Variants in PCDH7 observed in about 807,000 individuals in gnomAD.
The protein encoded by PCDH7 is protocadherin 7.
In PCDH7, 17 loss-of-function variants were observed where a neutral mutation model predicts 58.9. The observed-to-expected ratio is 0.29, with a 90% CI of 0.20 to 0.43. The LOEUF (loss-of-function observed/expected upper bound fraction) is 0.43, where lower values mean the gene tolerates loss of function less well. PCDH7 is among the 20% of genes least tolerant of loss of function. The probability of loss-of-function intolerance (pLI) is 1.00; values close to 1 mark genes in which losing one functional copy is unlikely to be tolerated. For synonymous variants in PCDH7, 664 were observed against 616.4 expected (o/e 1.08, Z -1.14); for missense variants, 1,274 against 1,441.0 (o/e 0.88, Z 1.88).
At chr4:30,776,858 GGTGT>G (rs57657077) in intron 1 of PCDH7, among the ~76,000 whole-genome samples, 41 of 147,716 alleles carry the variant, frequency 2.8e-4, no homozygotes, top group South Asian at 1.1e-3. Context: ...TTTGATATGT[GGTGT>G]GTGTGTGTGT....
At chr4:30,825,101 A>G (rs17718569) in intron 1 of PCDH7, among the ~76,000 whole-genome samples, 16,751 of 152,174 alleles carry the variant, frequency 0.11, 1,222 homozygotes, top group Non-Finnish European at 0.16. Flanking sequence ...GTTTTAGACA[A>G]TGGAGTAGAA....
chr4:30,761,374 T>C (rs10021424), intron 1 of PCDH7, among the ~76,000 whole-genome samples: 82,924 of 151,918 alleles, frequency 0.55, 23,365 homozygotes, highest in African/African-American at 0.68. Flanking sequence ...AAGTCACATA[T>C]GTAATTTTTA....
At position 30,723,887 on chromosome 4, in the gene PCDH7, A is replaced by G; in HGVS notation, c.2465A>G (p.Asn822Ser). The G allele has an allele frequency of 2.5e-6, 4 of 1,613,942 alleles. No homozygotes were observed. The highest frequency in any genetic ancestry group is 3.4e-6 in the Non-Finnish European group (4 of 1,180,018). Residue 822 changes from asparagine to serine, a missense_variant, in exon 1 of 2, where the codon AAT (asparagine) becomes AGT (serine). Coordinates refer to ENST00000361762, the Ensembl canonical transcript of PCDH7. The surrounding 1 kb of genome is among the most constrained non-coding windows in gnomAD (Gnocchi z 4.6). ...TTGCACAGGTTGGTGGTGCAAGTGA[A>G]TGACAGTGGGCAGCCTTCCCAGTCC...
chr4:31,016,452 G>A (rs1281708829), intron 3 of PCDH7, among the ~76,000 whole-genome samples: 2 of 150,988 alleles, frequency 1.3e-5, no homozygotes, highest in Admixed American at 1.3e-4. Flanking sequence ...CAGGAGAGGG[G>A]GAAAGGCCAT....
intron 3 of PCDH7, among the ~76,000 whole-genome samples, chr4:31,026,757 A>G (rs559501833): frequency 3.0e-5 from 4 of 132,690 alleles, no homozygotes; most frequent in South Asian, 2.2e-4. Context: ...TTTGGGGGGA[A>G]AAAACCTGCA....
rs560945473 is a variant in PCDH7, at chr4:30,799,915, G to A, written c.70+75319G>A. Among the ~76,000 whole-genome samples the A allele has an allele frequency of 2.1e-4, 32 of 150,778 alleles. No homozygotes were observed. The East Asian group carries it at 3.7e-3, about 17-fold the overall frequency. ...GTCACCCAGGCTGGAGTGCAATGGC[G>A]CAATCTTGGCTCACTGCAACCTCCA... On this transcript the variant is annotated intron_variant, in intron 1 of 3. Coordinates refer to the PCDH7 transcript ENST00000509759.
intron 3 of PCDH7, among the ~76,000 whole-genome samples, chr4:31,002,205 A>T: frequency 6.6e-6 from 1 of 152,184 alleles, no homozygotes; most frequent in East Asian, 1.9e-4. Flanking sequence ...TGATCCTTAT[A>T]TTGATTTGAG....
intron 1 of PCDH7, among the ~76,000 whole-genome samples, chr4:30,829,173 T>A (rs1729473073): frequency 6.6e-6 from 1 of 152,008 alleles, no homozygotes. Flanking sequence ...AAACTGATCC[T>A]GGGATTTGTG....
chr4:31,144,088 T>C (rs1720521837), downstream of PCDH7: 1 of 152,198 alleles, frequency 6.6e-6, no homozygotes, highest in African/African-American at 2.4e-5. Flanking sequence ...GCTCTTTTTA[T>C]CCACATTTTA....
At chr4:30,781,747 A>C (rs1722822464) in intron 1 of PCDH7, among the ~76,000 whole-genome samples, 1 of 151,324 alleles carries the variant, frequency 6.6e-6, no homozygotes, top group South Asian at 2.1e-4. Flanking sequence ...TGTTGGGCAG[A>C]CTTGTCTTGA....
At position 30,895,570 on chromosome 4, in the gene PCDH7, G is replaced by A. The variant is rs116284050; in HGVS notation, c.71-24583G>A. On this transcript the variant is annotated intron_variant, in intron 1 of 3. Transcript: ENST00000509759. ...TCATTTCTTGCTACCACCAGTGCAT[G>A]CAGAGTAGCACTTCTTCTGTCAGCT... Among the ~76,000 whole-genome samples the A allele has an allele frequency of 6.1e-3, 929 of 152,232 alleles. 6 individuals are homozygous for A. The highest frequency in any genetic ancestry group is 0.01 in the Middle Eastern group (3 of 294).
intron 3 of PCDH7, among the ~76,000 whole-genome samples, chr4:30,990,078 T>G (rs568654469): frequency 1.2e-4 from 18 of 152,216 alleles, no homozygotes; most frequent in African/African-American, 3.8e-4. Flanking sequence ...TAATAAATAT[T>G]GAGTTCTATT....
chr4:30,947,016 C>G (rs545564646), intron 2 of PCDH7, among the ~76,000 whole-genome samples: 1 of 152,074 alleles, frequency 6.6e-6, no homozygotes, highest in Non-Finnish European at 1.5e-5. Context: ...CCAGCCTTAC[C>G]CCTTATTCTT....
chr4:30,733,812 T>G (rs901679211), downstream of PCDH7, among the ~76,000 whole-genome samples: 2 of 152,200 alleles, frequency 1.3e-5, no homozygotes, highest in African/African-American at 4.8e-5. Flanking sequence ...TCAAGAGTAC[T>G]GAAAACATTT....
intron 1 of PCDH7, among the ~76,000 whole-genome samples, chr4:30,883,039 C>T (rs1737200525): frequency 6.6e-6 from 1 of 152,162 alleles, no homozygotes; most frequent in Non-Finnish European, 1.5e-5. Context: ...TGTGCCATAT[C>T]TTTTGTTGGC....
At chr4:30,892,404 G>C (rs1738739111) in intron 1 of PCDH7, among the ~76,000 whole-genome samples, 1 of 151,734 alleles carries the variant, frequency 6.6e-6, no homozygotes, top group Admixed American at 6.6e-5. Context: ...TACTACATAG[G>C]AAAAAAAGGA....
At chr4:30,827,431 A>G (rs1207955239) in intron 1 of PCDH7, among the ~76,000 whole-genome samples, 1 of 152,214 alleles carries the variant, frequency 6.6e-6, no homozygotes, top group African/African-American at 2.4e-5. Flanking sequence ...AAAAATACCA[A>G]AATATTCACA....
In PCDH7 at chr4:30,747,444, G is replaced by A. The variant is rs146772876; in HGVS notation, c.70+22848G>A. Among the ~76,000 whole-genome samples the A allele has an allele frequency of 1.4e-4, 21 of 152,300 alleles. No individual in the cohort carries two copies. In the East Asian group the frequency reaches 3.7e-3, roughly 27 times the overall value. On this transcript the variant is annotated intron_variant, in intron 1 of 3. Transcript: ENST00000509759. The stretch of plus-strand genomic sequence containing the variant: ...GGTCTCACTAGGTTAAAATCAATGT[G>A]GAGGCAAGGTCATGTTTCTTTCTGT...
chr4:30,923,835 G>C (rs1334921179), intron 2 of PCDH7, among the ~76,000 whole-genome samples: 1 of 152,016 alleles, frequency 6.6e-6, no homozygotes, highest in Non-Finnish European at 1.5e-5. Flanking sequence ...TGAGGAAATT[G>C]GTTATTTGTT....
Sources: gnomAD v4.1 joint callset for allele counts (sites outside exome capture counted in the v4.1 genomes callset) on GRCh38, gnomAD v4.1.1 for gene constraint, Gnocchi (gnomAD v3.1) non-coding constraint, MANE v1.5 for transcripts, NCBI Gene and HGNC (gene_info 2026-07-23, HGNC 2026-07-21) for gene names.